Variants in DNAH11 observed in about 807,000 individuals in gnomAD.
DNAH11 encodes axonemal beta dynein heavy chain 11.
A neutral mutation model predicts 526.0 loss-of-function variants in DNAH11; 442 were observed. The observed-to-expected ratio is 0.84, with a 90% CI of 0.78 to 0.91. DNAH11 has a LOEUF of 0.91. DNAH11 is among the 40% of genes least tolerant of loss of function. DNAH11 has a pLI of 0.00. For synonymous variants in DNAH11, 2,461 were observed against 1,935.9 expected, an observed-to-expected ratio of 1.27 and a Z score of -7.12; for missense variants, 6,989 against 5,448.7, an observed-to-expected ratio of 1.28 and a Z score of -8.90.
chr7:21,653,417 C>T (rs1781871382), intron 28 of DNAH11, among the ~76,000 whole-genome samples: 2 of 152,098 alleles, frequency 1.3e-5, no homozygotes, highest in Admixed American at 6.5e-5. Context: ...AGAACTCTGC[C>T]TAAGATTTGT....
chr7:21,606,644 C>G lies in DNAH11; in HGVS notation c.3766-3C>G, dbSNP rs1464468345. Reference sequence around the variant, plus strand: ...TTTTTTTTTTTTTTTTTGCAATGATCAGGCAAAGCAGGCAGAGTTCAGAGA... The same window carrying G: ...TTTTTTTTTTTTTTTTTGCAATGATGAGGCAAAGCAGGCAGAGTTCAGAGA... On this transcript the variant is annotated splice_region_variant and splice_polypyrimidine_tract_variant and intron_variant, in intron 19 of 81. Transcript: ENST00000409508. The G allele has an allele frequency of 1.8e-6, 2 of 1,082,830 alleles. No individual in the cohort carries two copies. The highest frequency in any genetic ancestry group is 2.6e-6 in the Non-Finnish European group (2 of 761,448). 67.1% of individuals were successfully genotyped at this position (1,082,830 alleles called of 1,614,324 possible).
chr7:21,615,447 C>T (rs1785727609), intron 21 of DNAH11, among the ~76,000 whole-genome samples, 175 bp downstream of exon 21: 2 of 152,096 alleles, frequency 1.3e-5, no homozygotes, highest in South Asian at 4.1e-4. Context: ...GATGATTCTT[C>T]TTTGAATACC....
At chr7:21,656,573 C>T (rs750875419) in intron 29 of DNAH11, among the ~76,000 whole-genome samples, 1 of 152,110 alleles carries the variant, frequency 6.6e-6, no homozygotes, top group African/African-American at 2.4e-5. Context: ...AAGAATGGCT[C>T]ATTATGATTT....
chr7:21,728,105 G>A (rs922969542), intron 45 of DNAH11, among the ~76,000 whole-genome samples: 1 of 152,004 alleles, frequency 6.6e-6, no homozygotes, highest in African/African-American at 2.4e-5. Context: ...TGAGGTATGA[G>A]GGGTTAAGGC....
At chr7:21,595,185 C>T (rs950482900) in intron 14 of DNAH11, among the ~76,000 whole-genome samples, 1 of 152,218 alleles carries the variant, frequency 6.6e-6, no homozygotes, top group Non-Finnish European at 1.5e-5. Context: ...TGCAGACTGC[C>T]AACTTCTCAT....
chr7:21,839,425 A>G (rs1460062731), intron 65 of DNAH11, among the ~76,000 whole-genome samples: 1 of 151,972 alleles, frequency 6.6e-6, no homozygotes, highest in Admixed American at 6.6e-5. Flanking sequence ...AATACAAAAA[A>G]TTAGCTGGGT....
chr7:21,591,413 A>C lies in DNAH11; in HGVS notation c.2503A>C (p.Lys835Gln). Residue 835 changes from lysine to glutamine, a missense_variant, in exon 14 of 82, where the codon AAG becomes CAG. Transcript: ENST00000409508. ...HRVERTQKNV[K>Q]VIQQTMRGWA... ...AGTTGAGCGCACACAGAAAAACGTG[A>C]AGGTGATCCAGCAGACCATGAGGGG... 6.2e-7 allele frequency: 1 copy of C among 1,613,908 alleles called. No individual in the cohort carries two copies. The highest frequency in any genetic ancestry group is 1.3e-5 in the African/African-American group (1 of 75,022).
At chr7:21,647,607 A>G (rs1488155200) in intron 28 of DNAH11, among the ~76,000 whole-genome samples, 2 of 151,158 alleles carry the variant, frequency 1.3e-5, no homozygotes, top group African/African-American at 2.4e-5. Flanking sequence ...TTTTTTTTGT[A>G]TTTTTAGTAG....
chr7:21,639,100 T>C (rs763832493), intron 28 of DNAH11, 35 bp downstream of exon 28: 1 of 1,574,706 alleles, frequency 6.4e-7, no homozygotes, highest in Admixed American at 1.9e-5. Flanking sequence ...TATTATACTG[T>C]GTTAGCTGAG....
chr7:21,704,533 G>T lies in DNAH11; in HGVS notation c.6373G>T (p.Asp2125Tyr). Residue 2125 changes from aspartate (D) to tyrosine (Y), a missense_variant, in exon 38 of 82, where the codon GAT becomes TAT. Physicochemically the swap from Asp to Tyr is radical, Grantham distance 160. Transcript: ENST00000409508. ...GGTCGGTGACCTGTTTCCAGCCCTGGATGTGCCCCGGAGGAGGAAGCTGCA... is the reference window on the plus strand; with the variant it reads ...GGTCGGTGACCTGTTTCCAGCCCTGTATGTGCCCCGGAGGAGGAAGCTGCA... ...GLVGDLFPALDVPRRRKLHFE... is the reference protein window; with the variant it reads ...GLVGDLFPALYVPRRRKLHFE... 6.2e-7 allele frequency: 1 copy of T among 1,613,860 alleles called. No individual in the cohort carries two copies. Among genetic ancestry groups the T allele is most frequent in the South Asian group, 1.1e-5 (1 of 91,062 alleles).
intron 38 of DNAH11, among the ~76,000 whole-genome samples, chr7:21,704,963 A>G (rs1002943162): frequency 6.6e-6 from 1 of 152,244 alleles, no homozygotes; most frequent in Non-Finnish European, 1.5e-5. Flanking sequence ...AAGTAAAATC[A>G]TTAGTGCCTG....
At chr7:21,616,160 T>C in intron 21 of DNAH11, 49 bp from the exon 22 acceptor site, 1 of 1,433,444 alleles carries the variant, frequency 7.0e-7, no homozygotes, top group South Asian at 1.2e-5. Flanking sequence ...TGCAGAGACT[T>C]GCTTTCACCA....
intron 20 of DNAH11, among the ~76,000 whole-genome samples, chr7:21,611,300 A>G (rs187272634): frequency 6.6e-6 from 1 of 152,222 alleles, no homozygotes. Context: ...TCTGGTTCTT[A>G]GGACTTTGGC....
intron 55 of DNAH11, among the ~76,000 whole-genome samples, chr7:21,773,060 A>G (rs1787509338): frequency 2.0e-5 from 3 of 151,876 alleles, no homozygotes. Flanking sequence ...TTCATCTTGT[A>G]CAGAATGCAA....
At chr7:21,681,078 A>G (rs1369022161) in intron 30 of DNAH11, among the ~76,000 whole-genome samples, 1 of 152,050 alleles carries the variant, frequency 6.6e-6, no homozygotes, top group East Asian at 1.9e-4. Flanking sequence ...GGGGGTAATA[A>G]TATTGTGATT....
At chr7:21,644,996 A>T (rs1046455550) in intron 28 of DNAH11, among the ~76,000 whole-genome samples, 1 of 152,224 alleles carries the variant, frequency 6.6e-6, no homozygotes, top group African/African-American at 2.4e-5. Flanking sequence ...TTCATTTTGC[A>T]TATGTGTTGC....
chr7:21,818,420 A>G, intron 65 of DNAH11, 81 bp downstream of exon 65: 1 of 1,491,370 alleles, frequency 6.7e-7, no homozygotes, highest in Non-Finnish European at 9.1e-7. Context: ...ATAGTCAAGC[A>G]GTCTATTGAA....
intron 9 of DNAH11, among the ~76,000 whole-genome samples, chr7:21,585,635 G>A (rs996799991): frequency 6.6e-6 from 1 of 152,122 alleles, no homozygotes; most frequent in Non-Finnish European, 1.5e-5. Flanking sequence ...AAGGTAAACC[G>A]AAGTGTGTAA....
chr7:21,577,106 A>G (rs1012558638), intron 8 of DNAH11, among the ~76,000 whole-genome samples: 3 of 152,238 alleles, frequency 2.0e-5, no homozygotes, highest in South Asian at 2.1e-4. Flanking sequence ...AGTAATCCAG[A>G]CTTGGAGCTG....
Sources: allele counts gnomAD v4.1 joint callset (sites outside exome capture counted in the v4.1 genomes callset), GRCh38; gene constraint gnomAD v4.1.1; transcripts MANE v1.5; gene names NCBI Gene and HGNC (gene_info 2026-07-23, HGNC 2026-07-21).